The following MAPK4 variants were observed in gnomAD, a reference collection of about 807,000 sequenced individuals.
The protein encoded by MAPK4 is mitogen-activated protein kinase 4.
In MAPK4, 22 loss-of-function variants were observed where a neutral mutation model predicts 47.7. That is an observed-to-expected ratio of 0.46 (90% confidence interval 0.33 to 0.66). The LOEUF (loss-of-function observed/expected upper bound fraction) is 0.66. Ranked by LOEUF, MAPK4 falls within the 30% of genes least tolerant of loss-of-function variation. MAPK4 has a pLI of 0.02. For synonymous variants in MAPK4, 390 were observed against 365.7 expected, an observed-to-expected ratio of 1.07 and a Z score of -0.76; for missense variants, 736 against 831.7, an observed-to-expected ratio of 0.88 and a Z score of 1.42.
At chr18:50,681,994 C>T (rs1025688729) in intron 2 of MAPK4, among the ~76,000 whole-genome samples, 2 of 152,070 alleles carry the variant, frequency 1.3e-5, no homozygotes, top group Non-Finnish European at 2.9e-5. Context: ...TTGTAGGATG[C>T]CATTTATATG....
intron 1 of MAPK4, among the ~76,000 whole-genome samples, chr18:50,587,891 G>A (rs2042402692): frequency 6.6e-6 from 1 of 152,016 alleles, no homozygotes; most frequent in African/African-American, 2.4e-5. Context: ...ACCACGCCCA[G>A]CTCATTTTTA....
chr18:50,651,393 CAA>C (rs950403750), intron 1 of MAPK4, among the ~76,000 whole-genome samples: 1 of 152,178 alleles, frequency 6.6e-6, no homozygotes, highest in Non-Finnish European at 1.5e-5. Context: ...CCCTGACCAT[CAA>C]GACTAAGAGG....
chr18:50,588,319 C>G (rs1159658795), intron 1 of MAPK4, among the ~76,000 whole-genome samples: 1 of 152,080 alleles, frequency 6.6e-6, no homozygotes. Flanking sequence ...CTGTGCTTCC[C>G]CTTGTAACCT....
At chr18:50,605,891 G>T (rs990558270) in intron 1 of MAPK4, among the ~76,000 whole-genome samples, 12 of 152,144 alleles carry the variant, frequency 7.9e-5, no homozygotes, top group African/African-American at 2.7e-4. Flanking sequence ...TAGGTTAGTG[G>T]CAGTCAGAGG....
At chr18:50,590,275 T>A (rs73959977) in intron 1 of MAPK4, among the ~76,000 whole-genome samples, 41,752 of 152,118 alleles carry the variant, frequency 0.27, 5,680 homozygotes, top group South Asian at 0.33. Flanking sequence ...ACATATTTTT[T>A]AATTGAATTT....
chr18:50,665,626 T>C (rs1907557525), intron 2 of MAPK4, among the ~76,000 whole-genome samples: 1 of 152,192 alleles, frequency 6.6e-6, no homozygotes. Flanking sequence ...ATCTGCCCTC[T>C]ACAGCTGCAG....
At chr18:50,710,906 C>T (rs1169473259) in intron 2 of MAPK4, among the ~76,000 whole-genome samples, 1 of 152,218 alleles carries the variant, frequency 6.6e-6, no homozygotes, top group Admixed American at 6.5e-5. Flanking sequence ...TGAGCCTTCT[C>T]CCCCAACCTT....
chr18:50,623,165 A>G (rs957951382), intron 1 of MAPK4, among the ~76,000 whole-genome samples: 1 of 152,138 alleles, frequency 6.6e-6, no homozygotes, highest in African/African-American at 2.4e-5. Context: ...TATTTAATCT[A>G]TCTGTTTTGG....
At chr18:50,613,367 T>C (rs1334823429) in intron 1 of MAPK4, among the ~76,000 whole-genome samples, 3 of 152,108 alleles carry the variant, frequency 2.0e-5, no homozygotes, top group African/African-American at 7.2e-5. Flanking sequence ...CTCCAGCCAG[T>C]AGTCAGTAAG....
intron 1 of MAPK4, among the ~76,000 whole-genome samples, chr18:50,605,830 C>T (rs1264464950): frequency 1.3e-5 from 2 of 152,186 alleles, no homozygotes; most frequent in African/African-American, 4.8e-5. Context: ...ATGGCAGCCT[C>T]TGTCCCATGT....
Position 50,570,366 on chromosome 18 carries a change from A to G in MAPK4, c.-871+10123A>G, listed in dbSNP as rs371648809. ...CTGAGAAGGCAGTCACAGGAGTGCT[A>G]CCTGGAGCCCCATCTCGAACCTGCT... is the stretch of plus-strand genomic sequence containing the variant. On this transcript the variant is annotated intron_variant, in intron 1 of 5. Coordinates refer to ENST00000400384, the MANE Select transcript of MAPK4 (RefSeq NM_002747.4). 7.2e-5 allele frequency among the ~76,000 whole-genome samples: 11 copies of G among 152,210 alleles called. 1 individual carries two copies. The South Asian group carries it at 2.1e-3, about 29-fold the overall frequency.
chr18:50,685,508 T>A (rs1160691897), intron 2 of MAPK4, among the ~76,000 whole-genome samples: 1 of 152,186 alleles, frequency 6.6e-6, no homozygotes. Context: ...TTTCCTGTCA[T>A]CTACAAGAAC....
chr18:50,704,753 C>CCAACATA, intron 2 of MAPK4: 2 of 398,538 alleles, frequency 5.0e-6, no homozygotes, highest in Non-Finnish European at 8.8e-6. Flanking sequence ...TATGTTGTGT[C>CCAACATA]GTTACCCTCC....
intron 1 of MAPK4, among the ~76,000 whole-genome samples, chr18:50,649,086 T>A (rs2043020311): frequency 6.6e-6 from 1 of 152,198 alleles, no homozygotes; most frequent in African/African-American, 2.4e-5. Flanking sequence ...CTTATAAAAC[T>A]AAACCTAGGG....
At chr18:50,564,769 T>C (rs535642634) in intron 1 of MAPK4, among the ~76,000 whole-genome samples, 34 of 152,330 alleles carry the variant, frequency 2.2e-4, no homozygotes, top group African/African-American at 8.2e-4. Flanking sequence ...CAACTGTGGG[T>C]AGCAGAACCG....
At chr18:50,718,822 CT>C (rs2144456374) in intron 3 of MAPK4, among the ~76,000 whole-genome samples, 1 of 152,146 alleles carries the variant, frequency 6.6e-6, no homozygotes, top group South Asian at 2.1e-4. Flanking sequence ...TGGTTCATGT[CT>C]GTAATCCCAG....
At chr18:50,704,207 C>T (rs960095112) in intron 2 of MAPK4, among the ~76,000 whole-genome samples, 1 of 152,150 alleles carries the variant, frequency 6.6e-6, no homozygotes, top group Non-Finnish European at 1.5e-5. Flanking sequence ...TACCTCATCC[C>T]GCATCAGTAG....
intron 1 of MAPK4, among the ~76,000 whole-genome samples, chr18:50,611,613 T>G (rs775137831): frequency 6.6e-6 from 1 of 152,194 alleles, no homozygotes; most frequent in Non-Finnish European, 1.5e-5. Context: ...GCTGCCCATC[T>G]CTCTGACAGT....
At position 50,722,077 on chromosome 18, in the gene MAPK4, G is replaced by A; in HGVS notation, c.831G>A (p.Leu277=). 6.2e-7 allele frequency: 1 copy of A among 1,612,862 alleles called. No homozygotes were observed. The highest frequency in any genetic ancestry group is 8.5e-7 in the Non-Finnish European group (1 of 1,179,480). ...AGGTGAAGAGGCCTCTGCGCAAGCT[G>A]CTCCCTGAAGTGAACAGTGAAGGTA... is the stretch of plus-strand genomic sequence containing the variant. ...TWEVKRPLRK[L]LPEVNSEAID... is the part of the protein sequence containing the mutation. Residue 277 remains leucine (L), a synonymous_variant, in exon 4 of 6, where the codon CTG becomes CTA. Transcript: ENST00000400384.
Sources: gnomAD v4.1 joint callset for allele counts (sites outside exome capture counted in the v4.1 genomes callset) on GRCh38, gnomAD v4.1.1 for gene constraint, MANE v1.5 for transcripts, NCBI Gene and HGNC (gene_info 2026-07-23, HGNC 2026-07-21) for gene names.